Variants in PCDHGA4 observed in about 807,000 individuals in gnomAD.
The protein encoded by PCDHGA4 is protocadherin gamma-A4.
Under a neutral mutation model 54.6 loss-of-function variants are expected in PCDHGA4, and 38 were observed. That is an observed-to-expected ratio of 0.70 (90% CI 0.54 to 0.91). The LOEUF is 0.91. Among genes scored for constraint, PCDHGA4 ranks in the 40% least tolerant of loss-of-function variants. The pLI is 0.00. For missense variants in PCDHGA4, 1,298 were observed against 1,220.9 expected (o/e 1.06, Z -0.94); for synonymous variants, 511 against 512.9 (o/e 1.00, Z 0.05).
At chr5:141,383,610 C>A (rs372785458) in intron 1 of PCDHGA4, 15 of 1,613,700 alleles carry the variant, frequency 9.3e-6, no homozygotes, top group Non-Finnish European at 1.3e-5. Flanking sequence ...ATGTGAATGA[C>A]CACACGCCTG....
chr5:141,389,429 G>A (rs201662463), intron 1 of PCDHGA4: 149 of 1,610,654 alleles, frequency 9.3e-5, no homozygotes, highest in Non-Finnish European at 8.6e-5. Context: ...TGTTCGCGCA[G>A]CGCGCCTTCG....
In PCDHGA4 at chr5:141,371,356, C is replaced by T. The variant is rs748519288; in HGVS notation, c.2514+13735C>T. 2.4e-5 allele frequency: 38 copies of T among 1,613,940 alleles called. No homozygotes were observed. The East Asian group carries it at 7.8e-4, about 33-fold the overall frequency. ...GATAGCTACACAATTGGGGTGGAAG[C>T]AAAGGATGGTGGACATCACACTGCA... is the stretch of plus-strand genomic sequence containing the variant. On this transcript the variant is annotated intron_variant, in intron 1 of 3. Transcript: ENST00000571252.
rs189408749 is a variant in PCDHGA4 at position 141,383,405 on chromosome 5, G to T, written c.2514+25784G>T. On this transcript the variant is annotated intron_variant, in intron 1 of 3. Transcript: ENST00000571252. ...GATGTGGGCACGAACTCCCTCCAGAGTTACCAGCTCAGCCCCAATCGCCAC... is the reference window on the plus strand; with the variant it reads ...GATGTGGGCACGAACTCCCTCCAGATTTACCAGCTCAGCCCCAATCGCCAC... The T allele has an allele frequency of 1.2e-4, 200 of 1,613,898 alleles. No individual in the cohort carries two copies. Among genetic ancestry groups the T allele is most frequent in the South Asian group, 4.4e-5 (4 of 91,084 alleles).
rs756742340 is a variant in PCDHGA4, at chr5:141,366,531, G to A, written c.2514+8910G>A. 11 of 1,614,152 alleles carry A rather than the reference G, an allele frequency of 6.8e-6. No individual in the cohort carries two copies. The Admixed American group carries it at 1.5e-4, about 22-fold the overall frequency. On this transcript the variant is annotated intron_variant, in intron 1 of 3. Coordinates refer to ENST00000571252, the MANE Select transcript of PCDHGA4 (RefSeq NM_018917.4). The stretch of plus-strand genomic sequence containing the variant: ...CAGGCTGAAGGCAGCAGGTTGGCGG[G>A]TGTGCCCGCCTCGCACTTTGTGGGC...
Position 141,355,194 on chromosome 5 carries a change from G to A in PCDHGA4, c.87G>A (p.Gly29=), listed in dbSNP as rs768677645. Reference sequence around the variant, plus strand: ...CGAAGCACAGGCGACTCCGCGGCGGGGTTGTAATGGCGGCGCCTCCTGCTC... The same window carrying A: ...CGAAGCACAGGCGACTCCGCGGCGGAGTTGTAATGGCGGCGCCTCCTGCTC... ...GKPKHRRLRG[G]VVMAAPPARP... The change falls in exon 1 of 4, where the codon GGG becomes GGA. Residue 29 remains glycine, a synonymous_variant. Transcript: ENST00000571252. The A allele has an allele frequency of 1.9e-6, 3 of 1,595,232 alleles. No homozygotes were observed. Among genetic ancestry groups the A allele is most frequent in the Non-Finnish European group, 2.6e-6 (3 of 1,169,414 alleles).
Position 141,414,697 on chromosome 5 carries a change from T to A in PCDHGA4, c.2514+57076T>A, listed in dbSNP as rs748722995. The A allele has an allele frequency of 9.3e-6, 15 of 1,614,036 alleles. No homozygotes were observed. Among genetic ancestry groups the A allele is most frequent in the Non-Finnish European group, 1.3e-5 (15 of 1,179,930 alleles). ...CATCCAGGGGGTACCTCTGTCCTCA[T>A]ACATATCCATCAACTCAGACACTGG... is the stretch of plus-strand genomic sequence containing the variant. On this transcript the variant is annotated intron_variant, in intron 1 of 3. Transcript: ENST00000571252.
chr5:141,432,366 A>T lies in PCDHGA4; in HGVS notation c.2515-62441A>T. The T allele has an allele frequency of 6.2e-7, 1 of 1,614,204 alleles. No homozygotes were observed. Among genetic ancestry groups the T allele is most frequent in the Non-Finnish European group, 8.5e-7 (1 of 1,180,034 alleles). On this transcript the variant is annotated intron_variant, in intron 1 of 3. Coordinates refer to ENST00000571252, the MANE Select transcript of PCDHGA4 (RefSeq NM_018917.4). This position sits in a 1 kb window ranked among gnomAD's most constrained non-coding sequence, Gnocchi z 6.0. Reference sequence around the variant, plus strand: ...TTGCAAGTGAAAGTGATGGCGCGGGACAACGGGCACCCGCCCCTCAGCAGC... The same window carrying T: ...TTGCAAGTGAAAGTGATGGCGCGGGTCAACGGGCACCCGCCCCTCAGCAGC...
chr5:141,405,770 G>A (rs989163026), intron 1 of PCDHGA4, among the ~76,000 whole-genome samples: 9 of 152,030 alleles, frequency 5.9e-5, no homozygotes, highest in South Asian at 4.2e-4. Flanking sequence ...GAGCCACTGC[G>A]CCTGGCCCTT....
intron 1 of PCDHGA4, chr5:141,421,287 C>T: frequency 1.2e-6 from 2 of 1,613,240 alleles, no homozygotes; most frequent in Non-Finnish European, 1.7e-6. Flanking sequence ...TGTGCATTTT[C>T]CTGGGGACGC....
At chr5:141,442,049 C>A in intron 1 of PCDHGA4, 2 of 202,550 alleles carry the variant, frequency 9.9e-6, no homozygotes, top group South Asian at 1.3e-4. Flanking sequence ...GCCTACTGGT[C>A]GCGGTGCACT....
At chr5:141,475,448 G>A (rs774710049) in intron 1 of PCDHGA4, among the ~76,000 whole-genome samples, 1 of 152,214 alleles carries the variant, frequency 6.6e-6, no homozygotes, top group Non-Finnish European at 1.5e-5. Flanking sequence ...CAGATAATGA[G>A]GAAGTGACAG....
In PCDHGA4 at chr5:141,393,531, C is replaced by T. The variant is rs997965420; in HGVS notation, c.2514+35910C>T. On this transcript the variant is annotated intron_variant, in intron 1 of 3. Transcript: ENST00000571252. ...AGTGTTGGATACAAATGACAATGCC[C>T]CGGTTTTTCCTCACCCGATTTACCG... 4 of 1,613,890 alleles carry T rather than the reference C, an allele frequency of 2.5e-6. No individual in the cohort carries two copies. Among genetic ancestry groups the T allele is most frequent in the African/African-American group, 2.7e-5 (2 of 74,946 alleles).
rs1262084306 is a variant in PCDHGA4 at position 141,356,326 on chromosome 5, T to C, written c.1219T>C (p.Ser407Pro). The change falls in exon 1 of 4, where the codon TCA (serine) becomes CCA (proline). Residue 407 changes from serine to proline, a missense_variant. Transcript: ENST00000571252. ...ACTTTTCAACGTGCATGACAGTGAC[T>C]CAGGAGGAAATGGCCTAGTCACATG... Reference protein sequence around the residue: ...IALFNVHDSDSGGNGLVTCSI... With the variant: ...IALFNVHDSDPGGNGLVTCSI... 3 of 1,554,336 alleles carry C rather than the reference T, an allele frequency of 1.9e-6. No individual in the cohort carries two copies. Among genetic ancestry groups the C allele is most frequent in the Non-Finnish European group, 2.6e-6 (3 of 1,148,360 alleles).
intron 1 of PCDHGA4, chr5:141,364,929 T>C (rs751043135): frequency 1.9e-6 from 3 of 1,613,810 alleles, no homozygotes; most frequent in African/African-American, 2.7e-5. Context: ...GAACAGCCCC[T>C]AGACCGCGAG....
chr5:141,370,893 C>T (rs116495533), intron 1 of PCDHGA4: 4 of 1,613,944 alleles, frequency 2.5e-6, no homozygotes, highest in Admixed American at 3.3e-5. Flanking sequence ...TGTCAATTCG[C>T]TGCAGCAGTA....
At chr5:141,382,467 A>G (rs992224398) in intron 1 of PCDHGA4, among the ~76,000 whole-genome samples, 1 of 152,262 alleles carries the variant, frequency 6.6e-6, no homozygotes, top group Non-Finnish European at 1.5e-5. Flanking sequence ...TTTTTTAAAA[A>G]TTATCTAAGA....
Position 141,477,029 on chromosome 5 carries a change from A to G in PCDHGA4, c.2515-17778A>G. 6.2e-7 allele frequency: 1 copy of G among 1,614,238 alleles called. No homozygotes were observed. The highest frequency in any genetic ancestry group is 8.5e-7 in the Non-Finnish European group (1 of 1,180,040). ...CTTAGACCTTGTAACCGGGATGCTG[A>G]CAATCAAGGGTCGGCTGGACTTCGA... On this transcript the variant is annotated intron_variant, in intron 1 of 3. Coordinates refer to ENST00000571252, the MANE Select transcript of PCDHGA4 (RefSeq NM_018917.4). The surrounding 1 kb of genome is among the most constrained non-coding windows in gnomAD (Gnocchi z 4.9).
At position 141,493,026 on chromosome 5, in the gene PCDHGA4, C is replaced by G. The variant is rs73280358; in HGVS notation, c.2515-1781C>G. Reference sequence around the variant, plus strand: ...TAGGCTCTGCCAGATGCCAGGGTGCCCTTATGTGTGAGGAAACTACAATAG... The same window carrying G: ...TAGGCTCTGCCAGATGCCAGGGTGCGCTTATGTGTGAGGAAACTACAATAG... On this transcript the variant is annotated intron_variant, in intron 1 of 3. Coordinates refer to ENST00000571252, the MANE Select transcript of PCDHGA4 (RefSeq NM_018917.4). This position sits in a 1 kb window ranked among gnomAD's most constrained non-coding sequence, Gnocchi z 4.3. 0.039 allele frequency among the ~76,000 whole-genome samples: 5,923 copies of G among 152,298 alleles called. 150 individuals are homozygous for G. The highest frequency in any genetic ancestry group is 0.077 in the South Asian group (370 of 4,822).
rs570673080 is a variant in PCDHGA4 at position 141,360,152 on chromosome 5, G to A, written c.2514+2531G>A. ...AGCCAGAAGATGAAAGCGAGCTCAGGGAGGTGCGGGCTGGTGCGGTGGCTG... is the reference window on the plus strand; with the variant it reads ...AGCCAGAAGATGAAAGCGAGCTCAGAGAGGTGCGGGCTGGTGCGGTGGCTG... On this transcript the variant is annotated intron_variant, in intron 1 of 3. Coordinates refer to ENST00000571252, the MANE Select transcript of PCDHGA4 (RefSeq NM_018917.4). 6.9e-6 allele frequency: 11 copies of A among 1,603,472 alleles called. No homozygotes were observed. In the Admixed American group the frequency reaches 1.9e-4, roughly 27 times the overall value.
Sources: allele counts gnomAD v4.1 joint callset (sites outside exome capture counted in the v4.1 genomes callset), GRCh38; gene constraint gnomAD v4.1.1; non-coding constraint Gnocchi (gnomAD v3.1); transcripts MANE v1.5; gene names NCBI Gene and HGNC (gene_info 2026-07-23, HGNC 2026-07-21).